The following ALKAL1 variants were observed in gnomAD, a reference collection of about 807,000 sequenced individuals.
ALKAL1 encodes ALK and LTK ligand 1.
In ALKAL1, 23 loss-of-function variants were observed where a neutral mutation model predicts 13.5. The ratio of observed to expected loss-of-function variants is 1.70; its 90% CI spans 1.23 to 2.41. ALKAL1 has a LOEUF of 2.41. Among genes scored for constraint, ALKAL1 ranks in the 30% most tolerant of loss-of-function variants. The probability of loss-of-function intolerance (pLI) is 0.00; values close to 1 mark genes in which losing one functional copy is unlikely to be tolerated. For synonymous variants in ALKAL1, 85 were observed against 77.7 expected (o/e 1.09, Z -0.49); for missense variants, 181 against 178.4 (o/e 1.01, Z -0.08).
intron 4 of ALKAL1, among the ~76,000 whole-genome samples, chr8:52,537,141 T>C (rs1171620643): frequency 6.6e-6 from 1 of 152,076 alleles, no homozygotes; most frequent in Admixed American, 6.6e-5. Flanking sequence ...ACAGATAATC[T>C]GATTTAAAAG....
intron 2 of ALKAL1, among the ~76,000 whole-genome samples, chr8:52,541,489 C>T (rs186890883): frequency 5.5e-4 from 84 of 152,144 alleles, no homozygotes; most frequent in Admixed American, 3.3e-4. Flanking sequence ...AATTTTTGGC[C>T]GGGCGTGGTG....
chr8:52,560,435 T>A (rs1485559335), intron 1 of ALKAL1, among the ~76,000 whole-genome samples: 1 of 152,224 alleles, frequency 6.6e-6, no homozygotes, highest in African/African-American at 2.4e-5. Flanking sequence ...GCCACGTTTT[T>A]CTATCCTCCT....
chr8:52,542,543 A>G, intron 1 of ALKAL1, 98 bp from the exon 2 acceptor site: 1 of 739,062 alleles, frequency 1.4e-6, no homozygotes, highest in Non-Finnish European at 2.2e-6. Flanking sequence ...CACTAAACAC[A>G]TGGATTTGTG....
intron 1 of ALKAL1, among the ~76,000 whole-genome samples, chr8:52,546,297 G>A (rs923734910): frequency 1.1e-4 from 16 of 152,262 alleles, no homozygotes; most frequent in Middle Eastern, 3.4e-3. Context: ...TTTAGGGGTC[G>A]CCAGTGGCTG....
intron 3 of ALKAL1, among the ~76,000 whole-genome samples, chr8:52,539,605 G>A (rs902370799): frequency 8.6e-5 from 13 of 152,046 alleles, no homozygotes; most frequent in East Asian, 7.7e-4. Flanking sequence ...AAGGAAATCT[G>A]GCTATTATCA....
intron 1 of ALKAL1, among the ~76,000 whole-genome samples, chr8:52,542,778 T>C (rs1164632728): frequency 6.6e-6 from 1 of 152,256 alleles, no homozygotes; most frequent in East Asian, 1.9e-4. Flanking sequence ...TCACTCTTGA[T>C]CAGGCCCCAG....
chr8:52,559,321 G>T (rs1847515446), intron 1 of ALKAL1, among the ~76,000 whole-genome samples: 1 of 152,188 alleles, frequency 6.6e-6, no homozygotes, highest in Non-Finnish European at 1.5e-5. Context: ...AAACACACTG[G>T]AACGTATAGC....
At chr8:52,544,532 T>C (rs954635960) in intron 1 of ALKAL1, among the ~76,000 whole-genome samples, 1 of 152,064 alleles carries the variant, frequency 6.6e-6, no homozygotes, top group Non-Finnish European at 1.5e-5. Context: ...CTGTGGGTGA[T>C]GAGAAGTCAA....
At chr8:52,565,030 G>C (rs983801580) in intron 1 of ALKAL1, 37 bp downstream of exon 1, 2 of 1,327,532 alleles carry the variant, frequency 1.5e-6, no homozygotes, top group Non-Finnish European at 1.9e-6. Flanking sequence ...AGCCCCAGGC[G>C]CAGGGCAAAG....
At chr8:52,555,908 A>T (rs1336019302) in intron 1 of ALKAL1, among the ~76,000 whole-genome samples, 1 of 152,160 alleles carries the variant, frequency 6.6e-6, no homozygotes, top group East Asian at 1.9e-4. Flanking sequence ...CCTTCATGAT[A>T]GTCATTTCCA....
chr8:52,544,638 T>G (rs953718385), intron 1 of ALKAL1, among the ~76,000 whole-genome samples: 1 of 152,088 alleles, frequency 6.6e-6, no homozygotes, highest in African/African-American at 2.4e-5. Flanking sequence ...GATACAAAGC[T>G]GCAGATGGGT....
At chr8:52,545,287 T>C (rs1380957068) in intron 1 of ALKAL1, among the ~76,000 whole-genome samples, 4 of 152,128 alleles carry the variant, frequency 2.6e-5, no homozygotes, top group South Asian at 2.1e-4. Flanking sequence ...AGAAAATTCT[T>C]TGTGGATGGA....
At chr8:52,561,167 C>T (rs542711970) in intron 1 of ALKAL1, among the ~76,000 whole-genome samples, 4 of 152,236 alleles carry the variant, frequency 2.6e-5, no homozygotes, top group Non-Finnish European at 4.4e-5. Flanking sequence ...TTGTTACTCA[C>T]CAGGTATAAC....
intron 1 of ALKAL1, among the ~76,000 whole-genome samples, chr8:52,547,458 C>T (rs1430364620): frequency 1.3e-5 from 2 of 152,130 alleles, no homozygotes; most frequent in African/African-American, 4.8e-5. Context: ...CAAGATCGCA[C>T]CACTGCACTC....
At chr8:52,553,493 G>A (rs995361480) in intron 1 of ALKAL1, among the ~76,000 whole-genome samples, 5 of 152,136 alleles carry the variant, frequency 3.3e-5, no homozygotes, top group African/African-American at 1.2e-4. Flanking sequence ...CCTCTCTTAG[G>A]ACTGGACAGT....
At position 52,562,425 on chromosome 8, in the gene ALKAL1, G is replaced by T. The variant is rs947457464; in HGVS notation, c.190+2642C>A. On this transcript the variant is annotated intron_variant, in intron 1 of 4. Transcript: ENST00000358543. ...TCAGCTGTGTGTTAAATTGCTAAAT[G>T]AGAGGACGGATACAGGCACGAACAA... Among the ~76,000 whole-genome samples the T allele has an allele frequency of 2.0e-5, 3 of 152,288 alleles. 1 individual carries two copies. Among genetic ancestry groups the T allele is most frequent in the Non-Finnish European group, 4.4e-5 (3 of 68,020 alleles).
At chr8:52,553,671 C>T (rs949471464) in intron 1 of ALKAL1, among the ~76,000 whole-genome samples, 9 of 152,262 alleles carry the variant, frequency 5.9e-5, no homozygotes, top group East Asian at 3.9e-4. Context: ...CATTAGATTG[C>T]ATATTCACAA....
chr8:52,557,582 T>G (rs1283442982), intron 1 of ALKAL1, among the ~76,000 whole-genome samples: 1 of 152,238 alleles, frequency 6.6e-6, no homozygotes, highest in Non-Finnish European at 1.5e-5. Context: ...TTTTTAACGG[T>G]TGGCTCACAT....
At chr8:52,563,659 A>G (rs1295931570) in intron 1 of ALKAL1, among the ~76,000 whole-genome samples, 1 of 152,206 alleles carries the variant, frequency 6.6e-6, no homozygotes, top group Non-Finnish European at 1.5e-5. Context: ...TTTAAGTCAA[A>G]GTGCATGATC....
Sources: gnomAD v4.1 joint callset for allele counts (sites outside exome capture counted in the v4.1 genomes callset) on GRCh38, gnomAD v4.1.1 for gene constraint, MANE v1.5 for transcripts, NCBI Gene and HGNC (gene_info 2026-07-23, HGNC 2026-07-21) for gene names.